The following EPB41L4A variants were observed in gnomAD, a reference collection of about 807,000 sequenced individuals.
The protein encoded by EPB41L4A is band 4.1-like protein 4A.
Under a neutral mutation model 108.6 loss-of-function variants are expected in EPB41L4A, and 100 were observed. The observed-to-expected ratio is 0.92, with a 90% CI of 0.78 to 1.09. EPB41L4A has a LOEUF of 1.09. Ranked by LOEUF, EPB41L4A falls within the 50% of genes least tolerant of loss-of-function variation. The pLI, the probability that EPB41L4A is intolerant of heterozygous loss-of-function variation, is 0.00. For missense variants in EPB41L4A, 1,030 were observed against 842.7 expected, an observed-to-expected ratio of 1.22 and a Z score of -2.75; for synonymous variants, 319 against 289.0, an observed-to-expected ratio of 1.10 and a Z score of -1.05.
intron 22 of EPB41L4A, 112 bp from the exon 23 acceptor site, chr5:112,165,230 A>C (rs1234105821): frequency 1.3e-6 from 1 of 788,430 alleles, no homozygotes; most frequent in Non-Finnish European, 2.0e-6. Flanking sequence ...GAGTTAATTC[A>C]AAAGTTTCAT....
At chr5:112,284,823 G>C (rs540461282) in intron 2 of EPB41L4A, among the ~76,000 whole-genome samples, 1 of 152,252 alleles carries the variant, frequency 6.6e-6, no homozygotes, top group Non-Finnish European at 1.5e-5. Context: ...GTAACCCGGA[G>C]AGCAATGACA....
chr5:112,289,462 G>A (rs964385076), intron 2 of EPB41L4A, among the ~76,000 whole-genome samples: 3 of 152,114 alleles, frequency 2.0e-5, no homozygotes, highest in Non-Finnish European at 2.9e-5. Context: ...GGTTTGGGGG[G>A]AATATTGCCT....
chr5:112,151,399 T>C (rs905903423), intron 12 of EPB41L4A, among the ~76,000 whole-genome samples: 1 of 150,484 alleles, frequency 6.6e-6, no homozygotes, highest in Non-Finnish European at 1.5e-5. Context: ...TATATATTTG[T>C]ATATTATTTT....
chr5:112,186,109 C>T (rs1303192806), intron 17 of EPB41L4A, among the ~76,000 whole-genome samples: 2 of 152,186 alleles, frequency 1.3e-5, no homozygotes, highest in African/African-American at 2.4e-5. Flanking sequence ...ACTCCTAACC[C>T]TGGAGTCTTT....
intron 2 of EPB41L4A, among the ~76,000 whole-genome samples, chr5:112,292,919 G>A (rs1027555030): frequency 2.0e-5 from 3 of 152,034 alleles, no homozygotes; most frequent in Admixed American, 1.3e-4. Context: ...TGATTTAACC[G>A]GGGAGAAGGA....
intron 12 of EPB41L4A, among the ~76,000 whole-genome samples, chr5:112,232,732 C>T (rs2150362350): frequency 1.3e-5 from 2 of 152,168 alleles, no homozygotes; most frequent in Middle Eastern, 6.8e-3. Flanking sequence ...CATTTACTTC[C>T]TATAATGTGC....
chr5:112,219,318 C>G (rs555613866), intron 12 of EPB41L4A, among the ~76,000 whole-genome samples: 1 of 152,236 alleles, frequency 6.6e-6, no homozygotes, highest in East Asian at 1.9e-4. Context: ...TTATAAGCGT[C>G]TGGCATTTCC....
chr5:112,348,713 TATCTGTTAGGGATTCC>T (rs1757846190), intron 1 of EPB41L4A, among the ~76,000 whole-genome samples: 1 of 152,192 alleles, frequency 6.6e-6, no homozygotes, highest in Non-Finnish European at 1.5e-5. Flanking sequence ...AACTCCCAAA[TATCTGTTAGGGATTCC>T]ATATGTCCAC....
intron 1 of EPB41L4A, among the ~76,000 whole-genome samples, chr5:112,362,910 T>G (rs1378485214): frequency 1.0e-5 from 1 of 98,570 alleles, no homozygotes; most frequent in African/African-American, 3.5e-5. Flanking sequence ...TTTATTTGAT[T>G]ATTATTATTT....
chr5:112,170,813 C>T lies in EPB41L4A; in HGVS notation c.1670+132G>A, dbSNP rs536400785. ...GCACCACCACCATGTGCTCCATGTG[C>T]CTGCCACACACAGTGGCAATGGCTT... On this transcript the variant is annotated intron_variant, in intron 19 of 22. Coordinates refer to ENST00000261486, the MANE Select transcript of EPB41L4A (RefSeq NM_022140.5). 4.2e-5 allele frequency: 32 copies of T among 756,748 alleles called. 1 individual carries two copies. In the African/African-American group the frequency reaches 5.2e-4, roughly 12 times the overall value. 46.9% of individuals were successfully genotyped at this position (756,748 alleles called of 1,614,324 possible). A position where few individuals can be genotyped will look rare whatever the true frequency, so the allele number is the denominator to read the frequency against.
chr5:112,346,942 G>A (rs1298776124), intron 1 of EPB41L4A, among the ~76,000 whole-genome samples: 4 of 152,172 alleles, frequency 2.6e-5, no homozygotes, highest in Non-Finnish European at 5.9e-5. Context: ...CCCAGGAGAA[G>A]GATCTGGGAG....
At chr5:112,291,069 G>C (rs1465301189) in intron 2 of EPB41L4A, among the ~76,000 whole-genome samples, 1 of 152,178 alleles carries the variant, frequency 6.6e-6, no homozygotes, top group Non-Finnish European at 1.5e-5. Flanking sequence ...TCTCTGGGAT[G>C]TCAAATGGGT....
chr5:112,189,971 T>C (rs893353624), intron 17 of EPB41L4A, among the ~76,000 whole-genome samples: 1 of 152,216 alleles, frequency 6.6e-6, no homozygotes, highest in Admixed American at 6.5e-5. Context: ...TCCTTCATCC[T>C]ACACCCTGGG....
At chr5:112,392,108 C>G (rs544291954) in intron 1 of EPB41L4A, among the ~76,000 whole-genome samples, 23 of 152,092 alleles carry the variant, frequency 1.5e-4, no homozygotes, top group Non-Finnish European at 2.4e-4. Context: ...TGGTACCAGC[C>G]ACTGCAAAAA....
chr5:112,165,832 A>G (rs1437427413), intron 22 of EPB41L4A, among the ~76,000 whole-genome samples: 5 of 151,184 alleles, frequency 3.3e-5, no homozygotes, highest in African/African-American at 1.2e-4. Context: ...TGAGCTAAAA[A>G]TAAATAAATC....
At chr5:112,391,201 A>G (rs1397515099) in intron 1 of EPB41L4A, among the ~76,000 whole-genome samples, 2 of 152,230 alleles carry the variant, frequency 1.3e-5, no homozygotes, top group Non-Finnish European at 2.9e-5. Context: ...CAGCAACAGA[A>G]CTAAGCTGGA....
At chr5:112,399,826 A>G (rs182169367) in intron 1 of EPB41L4A, among the ~76,000 whole-genome samples, 1 of 152,282 alleles carries the variant, frequency 6.6e-6, no homozygotes, top group East Asian at 1.9e-4. Context: ...CAGCCCACTG[A>G]CCTAGGAGCT....
At chr5:112,257,280 A>C (rs1367841695) in intron 9 of EPB41L4A, 5 of 152,226 alleles carry the variant, frequency 3.3e-5, no homozygotes. Flanking sequence ...TGTGATACTT[A>C]ACAGCAATAA....
intron 1 of EPB41L4A, among the ~76,000 whole-genome samples, chr5:112,360,611 C>G (rs1003204217): frequency 6.6e-6 from 1 of 152,208 alleles, no homozygotes; most frequent in Admixed American, 6.5e-5. Flanking sequence ...GTGGCGTGAT[C>G]TCGGCTCGCT....
Sources: allele counts gnomAD v4.1 joint callset (sites outside exome capture counted in the v4.1 genomes callset), GRCh38; gene constraint gnomAD v4.1.1; transcripts MANE v1.5; gene names NCBI Gene and HGNC (gene_info 2026-07-23, HGNC 2026-07-21).